Variants in FOCAD observed in about 807,000 individuals in gnomAD.
FOCAD encodes the protein focadhesin.
A neutral mutation model predicts 225.6 loss-of-function variants in FOCAD; 198 were observed. The ratio of observed to expected loss-of-function variants is 0.88; its 90% CI spans 0.78 to 0.99. The LOEUF is 0.99. FOCAD is among the 50% of genes least tolerant of loss of function. FOCAD has a pLI of 0.00. For missense variants in FOCAD, 2,713 were observed against 2,123.6 expected (o/e 1.28, Z -5.46); for synonymous variants, 897 against 755.0 (o/e 1.19, Z -3.08).
At chr9:20,759,035 A>G (rs966978653) in intron 6 of FOCAD, among the ~76,000 whole-genome samples, 1 of 152,138 alleles carries the variant, frequency 6.6e-6, no homozygotes, top group East Asian at 1.9e-4. Context: ...AAAGAGAATA[A>G]AATACCTAGG....
chr9:20,921,322 A>AT (rs1335800606), intron 24 of FOCAD, among the ~76,000 whole-genome samples: 3 of 152,178 alleles, frequency 2.0e-5, no homozygotes, highest in Non-Finnish European at 4.4e-5. Flanking sequence ...TTAAAGGACA[A>AT]TTTAATTAAA....
At chr9:20,814,273 T>C (rs1468173039) in intron 11 of FOCAD, among the ~76,000 whole-genome samples, 1 of 152,180 alleles carries the variant, frequency 6.6e-6, no homozygotes, top group African/African-American at 2.4e-5. Context: ...GTCCCTTGTT[T>C]CTTCTCTTGC....
In FOCAD at chr9:20,789,610, T is replaced by A; in HGVS notation, c.1455+2T>A. The A allele has an allele frequency of 6.2e-7, 1 of 1,613,614 alleles. No homozygotes were observed. Among genetic ancestry groups the A allele is most frequent in the Non-Finnish European group, 8.5e-7 (1 of 1,179,702 alleles). Reference sequence around the variant, plus strand: ...TTAGCCCAAGCAGATTCCTCCCAGGTAAAGCAAGAGAATAATGGAACAATA... The same window carrying A: ...TTAGCCCAAGCAGATTCCTCCCAGGAAAAGCAAGAGAATAATGGAACAATA... On this transcript the variant is annotated splice_donor_variant, in intron 11 of 43. Coordinates refer to ENST00000338382, the MANE Select transcript of FOCAD (RefSeq NM_001375567.1). LOFTEE classifies it high-confidence loss of function.
intron 40 of FOCAD, among the ~76,000 whole-genome samples, chr9:20,988,022 G>C (rs769602093): frequency 1.3e-5 from 2 of 152,190 alleles, no homozygotes; most frequent in South Asian, 2.1e-4. Flanking sequence ...TGGCATGCCA[G>C]ATTTCTCCTA....
intron 15 of FOCAD, among the ~76,000 whole-genome samples, chr9:20,847,373 A>C (rs1827219619): frequency 6.6e-6 from 1 of 152,074 alleles, no homozygotes; most frequent in South Asian, 2.1e-4. Flanking sequence ...AATGTTTTCA[A>C]GGTTCATGCA....
chr9:20,685,721 A>G (rs372323192), intron 1 of FOCAD, among the ~76,000 whole-genome samples: 20 of 152,204 alleles, frequency 1.3e-4, no homozygotes, highest in African/African-American at 4.6e-4. Flanking sequence ...AATCAATGTT[A>G]GGTAGTTACC....
At chr9:20,703,772 A>G (rs1824165331) in intron 1 of FOCAD, among the ~76,000 whole-genome samples, 1 of 152,170 alleles carries the variant, frequency 6.6e-6, no homozygotes, top group African/African-American at 2.4e-5. Flanking sequence ...GGGAGGAAGC[A>G]CACATTTCTA....
intron 11 of FOCAD, among the ~76,000 whole-genome samples, chr9:20,797,726 T>A (rs190734836): frequency 1.3e-5 from 2 of 152,308 alleles, no homozygotes; most frequent in East Asian, 3.9e-4. Flanking sequence ...AAGTTGCTTA[T>A]CAGCTTAAGC....
At chr9:20,813,675 G>A (rs1024592696) in intron 11 of FOCAD, among the ~76,000 whole-genome samples, 1 of 152,170 alleles carries the variant, frequency 6.6e-6, no homozygotes, top group South Asian at 2.1e-4. Flanking sequence ...AGAATGTTCG[G>A]TGTGCACCTG....
At chr9:20,962,605 A>T (rs1422986302) in intron 35 of FOCAD, among the ~76,000 whole-genome samples, 1 of 152,166 alleles carries the variant, frequency 6.6e-6, no homozygotes, top group African/African-American at 2.4e-5. Context: ...TACTCTAAGG[A>T]TTACACATGT....
At chr9:20,878,124 TAA>T (rs35026690) in intron 19 of FOCAD, among the ~76,000 whole-genome samples, 38 of 149,894 alleles carry the variant, frequency 2.5e-4, no homozygotes, top group African/African-American at 4.9e-4. Flanking sequence ...GTCATATTTG[TAA>T]AAAAAAAAAT....
rs575166219 is a variant in FOCAD, at chr9:20,887,303, C to T, written c.2625+2073C>T. Among the ~76,000 whole-genome samples, 29 of 151,756 alleles carry T rather than the reference C, an allele frequency of 1.9e-4. No homozygotes were observed. In the South Asian group the frequency reaches 5.2e-3, roughly 27 times the overall value. On this transcript the variant is annotated intron_variant, in intron 21 of 43. Transcript: ENST00000338382. ...AGGCTGGAGTGCAATGGTGCAATCTCGGCTCACTGCAACCTCTGCCTCCTG... is the reference window on the plus strand; with the variant it reads ...AGGCTGGAGTGCAATGGTGCAATCTTGGCTCACTGCAACCTCTGCCTCCTG...
intron 1 of FOCAD, among the ~76,000 whole-genome samples, chr9:20,699,191 A>G (rs1035136923): frequency 2.0e-5 from 3 of 152,124 alleles, no homozygotes; most frequent in African/African-American, 4.8e-5. Context: ...TAACCTTTCT[A>G]TCAGTTTGGA....
chr9:20,866,917 T>TTTTTTTTTTTTTTTTTAA lies in FOCAD; in HGVS notation c.2107-12_2107-11insTTTTTTTTTTTTTTTTAA. The stretch of plus-strand genomic sequence containing the variant: ...TTTTTTTTTTTTTTTTTTTTTTTTT[T>TTTTTTTTTTTTTTTTTAA]ACCCTATCTAGGACCCAATTGTAGC... On this transcript the variant is annotated splice_polypyrimidine_tract_variant and intron_variant, in intron 17 of 43. Coordinates refer to ENST00000338382, the MANE Select transcript of FOCAD (RefSeq NM_001375567.1). The TTTTTTTTTTTTTTTTTAA allele has an allele frequency of 6.5e-6, 5 of 764,972 alleles. No homozygotes were observed. Among genetic ancestry groups the TTTTTTTTTTTTTTTTTAA allele is most frequent in the Non-Finnish European group, 1.0e-5 (5 of 498,468 alleles). The allele number at this position is 764,972 out of a possible 1,614,324, so 47.4% of individuals were successfully genotyped here.
In FOCAD at chr9:20,866,917, T is replaced by TTTAAAAAA; in HGVS notation, c.2107-12_2107-11insTTAAAAAA. 1 of 764,972 alleles carries TTTAAAAAA rather than the reference T, an allele frequency of 1.3e-6. No homozygotes were observed. The highest frequency in any genetic ancestry group is 2.0e-6 in the Non-Finnish European group (1 of 498,468). 47.4% of individuals were successfully genotyped at this position (764,972 alleles called of 1,614,324 possible). A position where few individuals can be genotyped will look rare whatever the true frequency, so the allele number is the denominator to read the frequency against. On this transcript the variant is annotated splice_polypyrimidine_tract_variant and intron_variant, in intron 17 of 43. Coordinates refer to ENST00000338382, the MANE Select transcript of FOCAD (RefSeq NM_001375567.1). Reference sequence around the variant, plus strand: ...TTTTTTTTTTTTTTTTTTTTTTTTTTACCCTATCTAGGACCCAATTGTAGC... The same window carrying TTTAAAAAA: ...TTTTTTTTTTTTTTTTTTTTTTTTTTTTAAAAAAACCCTATCTAGGACCCAATTGTAGC...
At chr9:20,734,414 T>G (rs967646931) in intron 4 of FOCAD, among the ~76,000 whole-genome samples, 1 of 152,222 alleles carries the variant, frequency 6.6e-6, no homozygotes, top group Admixed American at 6.5e-5. Flanking sequence ...ATATGCCAAG[T>G]GTTTTAGAAT....
chr9:20,715,640 C>G (rs1172049249), intron 2 of FOCAD, among the ~76,000 whole-genome samples: 1 of 151,724 alleles, frequency 6.6e-6, no homozygotes, highest in African/African-American at 2.4e-5. Flanking sequence ...ACTTTTCTTC[C>G]TAGAGATAAT....
chr9:20,746,819 C>A (rs892353235), intron 5 of FOCAD, among the ~76,000 whole-genome samples: 3 of 152,130 alleles, frequency 2.0e-5, no homozygotes, highest in Non-Finnish European at 2.9e-5. Flanking sequence ...TTTAGGATCA[C>A]CTGTTGCCTT....
At chr9:20,780,020 G>A (rs1819211893) in intron 9 of FOCAD, among the ~76,000 whole-genome samples, 1 of 152,138 alleles carries the variant, frequency 6.6e-6, no homozygotes, top group Non-Finnish European at 1.5e-5. Context: ...CTACCCAAAG[G>A]TATAATTTAC....
Sources: allele counts gnomAD v4.1 joint callset (sites outside exome capture counted in the v4.1 genomes callset), GRCh38; gene constraint gnomAD v4.1.1; transcripts MANE v1.5; gene names NCBI Gene and HGNC (gene_info 2026-07-23, HGNC 2026-07-21).